The following SRGAP3 variants were observed in gnomAD, a reference collection of about 807,000 sequenced individuals.
SRGAP3 encodes the protein SLIT-ROBO Rho GTPase activating protein 3.
A neutral mutation model predicts 121.1 loss-of-function variants in SRGAP3; 39 were observed. That is an observed-to-expected ratio of 0.32 (90% confidence interval 0.25 to 0.42). The LOEUF (loss-of-function observed/expected upper bound fraction) is 0.42, where lower values mean the gene tolerates loss of function less well. Ranked by LOEUF, SRGAP3 falls within the 10% of genes least tolerant of loss-of-function variation. The probability of loss-of-function intolerance (pLI) is 1.00; values close to 1 mark genes in which losing one functional copy is unlikely to be tolerated. For synonymous variants in SRGAP3, 601 were observed against 570.0 expected, an observed-to-expected ratio of 1.05 and a Z score of -0.77; for missense variants, 1,213 against 1,470.6, an observed-to-expected ratio of 0.82 and a Z score of 2.86.
chr3:9,348,516 G>C (rs1313579713), intron 1 of SRGAP3: 1 of 750,020 alleles, frequency 1.3e-6, no homozygotes, highest in Non-Finnish European at 2.5e-6. Context: ...TTCAGCAGCT[G>C]GTACAACACC....
At chr3:8,987,031 G>C (rs1195546648) in intron 21 of SRGAP3, among the ~76,000 whole-genome samples, 2 of 152,254 alleles carry the variant, frequency 1.3e-5, no homozygotes, top group Non-Finnish European at 1.5e-5. Flanking sequence ...TGAGTAAAAA[G>C]AATCTGTGGC....
intron 3 of SRGAP3, among the ~76,000 whole-genome samples, chr3:9,286,292 T>G (rs1349011986): frequency 1.3e-5 from 2 of 152,164 alleles, no homozygotes; most frequent in Non-Finnish European, 2.9e-5. Flanking sequence ...AACCTGGTAA[T>G]GGGTGAGGAA....
chr3:9,268,328 C>T (rs1282213440), intron 3 of SRGAP3, among the ~76,000 whole-genome samples: 1 of 151,458 alleles, frequency 6.6e-6, no homozygotes, highest in Non-Finnish European at 1.5e-5. Flanking sequence ...CTCTCTTTCT[C>T]TCTCTCTCTT....
At chr3:9,204,206 T>C (rs553272750) in intron 1 of SRGAP3, among the ~76,000 whole-genome samples, 35 of 152,158 alleles carry the variant, frequency 2.3e-4, no homozygotes, top group African/African-American at 7.5e-4. Flanking sequence ...TCCAAGGGAG[T>C]AGGGCCCTGT....
At chr3:9,286,119 C>A (rs1181091625) in intron 3 of SRGAP3, among the ~76,000 whole-genome samples, 38 of 59,766 alleles carry the variant, frequency 6.4e-4, no homozygotes, top group African/African-American at 2.6e-3. Context: ...CTCAAACACA[C>A]ACACACACAC....
chr3:9,334,474 A>T (rs1955657517), intron 1 of SRGAP3, among the ~76,000 whole-genome samples: 1 of 152,214 alleles, frequency 6.6e-6, no homozygotes, highest in African/African-American at 2.4e-5. Flanking sequence ...TAATCCAACC[A>T]GGGTATGGAG....
At chr3:9,268,051 C>T (rs145397176) in intron 3 of SRGAP3, among the ~76,000 whole-genome samples, 263 of 152,204 alleles carry the variant, frequency 1.7e-3, no homozygotes, top group African/African-American at 6.1e-3. Flanking sequence ...AGCAAGGACC[C>T]GAGGCCCTCA....
chr3:9,004,451 A>C (rs1277567377), intron 18 of SRGAP3, among the ~76,000 whole-genome samples: 1 of 152,218 alleles, frequency 6.6e-6, no homozygotes, highest in Non-Finnish European at 1.5e-5. Flanking sequence ...CAAGAAACCC[A>C]GAATAGCCAA....
chr3:9,335,255 T>C (rs879775558), intron 1 of SRGAP3, among the ~76,000 whole-genome samples: 1 of 152,256 alleles, frequency 6.6e-6, no homozygotes, highest in Non-Finnish European at 1.5e-5. Flanking sequence ...ATGTTGAATG[T>C]TGCCATGTAG....
At chr3:9,343,906 A>G (rs1955835988) in intron 1 of SRGAP3, among the ~76,000 whole-genome samples, 1 of 152,134 alleles carries the variant, frequency 6.6e-6, no homozygotes, top group Non-Finnish European at 1.5e-5. Flanking sequence ...TAATCTGCCT[A>G]AAGTTCTAGG....
At chr3:9,201,878 T>C (rs1275868077) in intron 1 of SRGAP3, among the ~76,000 whole-genome samples, 1 of 152,220 alleles carries the variant, frequency 6.6e-6, no homozygotes, top group Non-Finnish European at 1.5e-5. Flanking sequence ...TGCTGTGCAT[T>C]TTCAGATCCA....
intron 3 of SRGAP3, among the ~76,000 whole-genome samples, chr3:9,255,358 C>A (rs1420328717): frequency 6.6e-6 from 1 of 152,214 alleles, no homozygotes; most frequent in East Asian, 1.9e-4. Context: ...TAACAATGCC[C>A]ACAGGACACT....
chr3:9,087,591 C>T (rs1204546460), intron 3 of SRGAP3, among the ~76,000 whole-genome samples: 1 of 152,122 alleles, frequency 6.6e-6, no homozygotes, highest in Non-Finnish European at 1.5e-5. Flanking sequence ...GCCTTCTAGG[C>T]AGGAGGCACG....
At chr3:9,224,023 C>T (rs540365881) in intron 1 of SRGAP3, among the ~76,000 whole-genome samples, 21 of 152,268 alleles carry the variant, frequency 1.4e-4, no homozygotes, top group South Asian at 2.1e-4. Context: ...TCACAAGCCA[C>T]GGGGCTCTGA....
chr3:8,996,907 G>C (rs955069621), intron 18 of SRGAP3, among the ~76,000 whole-genome samples: 3 of 152,132 alleles, frequency 2.0e-5, no homozygotes, highest in Admixed American at 6.6e-5. Flanking sequence ...GGCACAGAGG[G>C]GCTGCCTCCG....
chr3:9,040,890 C>T (rs1462653428), intron 10 of SRGAP3, among the ~76,000 whole-genome samples: 1 of 152,222 alleles, frequency 6.6e-6, no homozygotes, highest in African/African-American at 2.4e-5. Flanking sequence ...TACTTGTCCA[C>T]TGCCAGTCTA....
chr3:8,984,659 C>A lies in SRGAP3; in HGVS notation c.*860G>T, dbSNP rs2124890895. 8.6e-6 allele frequency: 2 copies of A among 232,816 alleles called. No homozygotes were observed. The highest frequency in any genetic ancestry group is 2.2e-5 in the African/African-American group (1 of 45,428). The allele number at this position is 232,816 out of a possible 1,614,324, so 14.4% of individuals were successfully genotyped here. A position where few individuals can be genotyped will look rare whatever the true frequency, so the allele number is the denominator to read the frequency against. On this transcript the variant is annotated 3_prime_UTR_variant, in exon 22 of 22. Coordinates refer to ENST00000383836, the MANE Select transcript of SRGAP3 (RefSeq NM_014850.4). The stretch of plus-strand genomic sequence containing the variant: ...TGGTAGTCAGGGGTCTTCTCGCCAA[C>A]CTTCTCCCATGCCTTTGGGAGTACA...
At chr3:9,261,447 C>T (rs895765534) in intron 3 of SRGAP3, among the ~76,000 whole-genome samples, 6 of 151,826 alleles carry the variant, frequency 4.0e-5, no homozygotes, top group African/African-American at 1.5e-4. Context: ...AAACTAAGAA[C>T]CTTGATAAAA....
chr3:9,192,659 A>G (rs1263171989), intron 1 of SRGAP3: 2 of 152,198 alleles, frequency 1.3e-5, no homozygotes, highest in Admixed American at 6.5e-5. Context: ...CTTTTGCTGC[A>G]ATGAACCATA....
Sources: allele counts gnomAD v4.1 joint callset (sites outside exome capture counted in the v4.1 genomes callset), GRCh38; gene constraint gnomAD v4.1.1; transcripts MANE v1.5; gene names NCBI Gene and HGNC (gene_info 2026-07-23, HGNC 2026-07-21).